DIAPH3: variants seen among roughly 807,000 people sequenced by gnomAD.
The protein encoded by DIAPH3 is protein diaphanous homolog 3.
In DIAPH3, 117 loss-of-function variants were observed where a neutral mutation model predicts 144.3. That is an observed-to-expected ratio of 0.81 (90% CI 0.70 to 0.95). DIAPH3 has a LOEUF of 0.95. Ranked by LOEUF, DIAPH3 falls within the 40% of genes least tolerant of loss-of-function variation. The probability of loss-of-function intolerance (pLI) is 0.00; values close to 1 mark genes in which losing one functional copy is unlikely to be tolerated. For missense variants in DIAPH3, 1,421 were observed against 1,412.7 expected, an observed-to-expected ratio of 1.01 and a Z score of -0.09; for synonymous variants, 519 against 488.9, an observed-to-expected ratio of 1.06 and a Z score of -0.81.
At chr13:59,762,050 A>ACCTTTTTT (rs1389648314) in intron 27 of DIAPH3, among the ~76,000 whole-genome samples, 2 of 118,988 alleles carry the variant, frequency 1.7e-5, no homozygotes, top group African/African-American at 3.0e-5. Context: ...AAGCGTCAGC[A>ACCTTTTTT]TCTTTTTTTT....
intron 27 of DIAPH3, among the ~76,000 whole-genome samples, chr13:59,704,650 A>T (rs188123197): frequency 8.4e-4 from 128 of 151,952 alleles, no homozygotes; most frequent in Non-Finnish European, 1.4e-3. Flanking sequence ...TTAGATACAC[A>T]AATACTTACC....
chr13:59,973,124 CTTGAT>C, intron 15 of DIAPH3, among the ~76,000 whole-genome samples: 1 of 152,188 alleles, frequency 6.6e-6, no homozygotes, highest in Non-Finnish European at 1.5e-5. Flanking sequence ...TAGGAGATTC[CTTGAT>C]TTAATTTCAC....
chr13:59,693,174 G>C (rs1214290828), intron 27 of DIAPH3, among the ~76,000 whole-genome samples: 1 of 152,188 alleles, frequency 6.6e-6, no homozygotes, highest in African/African-American at 2.4e-5. Context: ...GGCCTCCGGT[G>C]GAAGGCGCTT....
chr13:59,981,467 G>A (rs1377156409), intron 13 of DIAPH3, among the ~76,000 whole-genome samples: 1 of 148,620 alleles, frequency 6.7e-6, no homozygotes, highest in Non-Finnish European at 1.5e-5. Context: ...CTGAGACTTG[G>A]CCATTAGGCC....
At chr13:60,145,959 A>T (rs2138352228) in intron 1 of DIAPH3, among the ~76,000 whole-genome samples, 1 of 152,330 alleles carries the variant, frequency 6.6e-6, no homozygotes, top group East Asian at 1.9e-4. Flanking sequence ...CAGCTAAAGA[A>T]AATTTAATTT....
chr13:60,011,026 A>G (rs1048375076), intron 7 of DIAPH3, among the ~76,000 whole-genome samples: 4 of 151,944 alleles, frequency 2.6e-5, no homozygotes, highest in African/African-American at 9.7e-5. Flanking sequence ...AATCACTTGG[A>G]CCCGAGAGGT....
Position 59,787,493 on chromosome 13 carries a change from A to C in DIAPH3, c.3164-12670T>G, listed in dbSNP as rs1241261850. Among the ~76,000 whole-genome samples, 3 of 152,328 alleles carry C rather than the reference A, an allele frequency of 2.0e-5. No individual in the cohort carries two copies. In the East Asian group the frequency reaches 5.8e-4, roughly 29 times the overall value. ...GACTTTGTGAGGCCAAGGAGAGAGA[A>C]TCACTTGAGCCTAGGAATTTGAAAC... On this transcript the variant is annotated intron_variant, in intron 25 of 27. Transcript: ENST00000400324.
At position 59,723,596 on chromosome 13, in the gene DIAPH3, C is replaced by A. The variant is rs368221066; in HGVS notation, c.3319+50593G>T. 3.8e-4 allele frequency among the ~76,000 whole-genome samples: 58 copies of A among 151,660 alleles called. 1 individual carries two copies. The South Asian group carries it at 0.012, about 31-fold the overall frequency. ...AGATTCTTTGTTAAGTGACACTGAT[C>A]GAAAATGATGGTCTTTTTTTTTTTT... On this transcript the variant is annotated intron_variant, in intron 27 of 27. Coordinates refer to ENST00000400324, the MANE Select transcript of DIAPH3 (RefSeq NM_001042517.2).
chr13:59,987,330 T>A (rs1489756179), intron 12 of DIAPH3, among the ~76,000 whole-genome samples: 1 of 74,600 alleles, frequency 1.3e-5, no homozygotes, highest in Non-Finnish European at 2.7e-5. Flanking sequence ...TGTGGTGGGG[T>A]GGGGGGAGTG....
intron 25 of DIAPH3, among the ~76,000 whole-genome samples, chr13:59,800,400 G>A (rs2039844897): frequency 6.6e-6 from 1 of 152,160 alleles, no homozygotes; most frequent in African/African-American, 2.4e-5. Flanking sequence ...TAGGGAAGAG[G>A]AAGATGTGAA....
At chr13:59,751,580 T>C (rs1399893916) in intron 27 of DIAPH3, among the ~76,000 whole-genome samples, 2 of 152,244 alleles carry the variant, frequency 1.3e-5, no homozygotes, top group African/African-American at 4.8e-5. Context: ...CTGTAAAAAG[T>C]TAAGTTGCTT....
Position 60,093,690 on chromosome 13 carries a change from C to G in DIAPH3, c.433G>C (p.Glu145Gln). Residue 145 changes from glutamate to glutamine, a missense_variant, in exon 4 of 28, where the codon GAA becomes CAA. By Grantham distance (29) the Glu-to-Gln change is conservative. Transcript: ENST00000400324. Reference protein sequence around the residue: ...LNEDKKAPLREKDFSIKKEMV... With the variant: ...LNEDKKAPLRQKDFSIKKEMV... ...TCTTTTTTGATACTGAAGTCCTTTTCCCGCAATGGTGCCTTTTTATCTTCA... is the reference window on the plus strand; with the variant it reads ...TCTTTTTTGATACTGAAGTCCTTTTGCCGCAATGGTGCCTTTTTATCTTCA... The G allele has an allele frequency of 6.2e-7, 1 of 1,612,904 alleles. No individual in the cohort carries two copies. Among genetic ancestry groups the G allele is most frequent in the South Asian group, 1.1e-5 (1 of 91,032 alleles).
intron 27 of DIAPH3, among the ~76,000 whole-genome samples, chr13:59,707,821 A>G (rs2034512178): frequency 6.6e-6 from 1 of 152,040 alleles, no homozygotes; most frequent in South Asian, 2.1e-4. Flanking sequence ...TGAACTGTCC[A>G]TGCTCCAATA....
In DIAPH3 at chr13:60,008,578, A is replaced by G; in HGVS notation, c.980T>C (p.Val327Ala). ...EKKIDRFFCIVEGLRHNSVQL... is the reference protein window; with the variant it reads ...EKKIDRFFCIAEGLRHNSVQL... ...AACTGAATTGTGCCGGAGGCCTTCCACAATACAAAAAAATCTGTCAATTTT... is the reference window on the plus strand; with the variant it reads ...AACTGAATTGTGCCGGAGGCCTTCCGCAATACAAAAAAATCTGTCAATTTT... The change falls in exon 9 of 28, where the codon GTG becomes GCG. Residue 327 changes from valine to alanine, a missense_variant. By Grantham distance (64) the Val-to-Ala change is moderately conservative (BLOSUM62 0). Transcript: ENST00000400324. 1 of 1,613,772 alleles carries G rather than the reference A, an allele frequency of 6.2e-7. No homozygotes were observed. Among genetic ancestry groups the G allele is most frequent in the Non-Finnish European group, 8.5e-7 (1 of 1,179,872 alleles).
At chr13:59,929,383 A>G (rs2047904888) in intron 17 of DIAPH3, among the ~76,000 whole-genome samples, 1 of 152,070 alleles carries the variant, frequency 6.6e-6, no homozygotes, top group Non-Finnish European at 1.5e-5. Flanking sequence ...CTTTGATCAT[A>G]TAATTAGTGT....
intron 23 of DIAPH3, 179 bp downstream of exon 23, chr13:59,839,145 T>C (rs570446888): frequency 3.7e-4 from 221 of 595,466 alleles, no homozygotes; most frequent in Middle Eastern, 9.9e-4. Flanking sequence ...CAGACATTTG[T>C]GTATTATTCA....
chr13:59,743,477 G>T (rs977444982), intron 27 of DIAPH3, among the ~76,000 whole-genome samples: 1 of 152,172 alleles, frequency 6.6e-6, no homozygotes, highest in African/African-American at 2.4e-5. Flanking sequence ...GATGTACCTT[G>T]TTGGGGGTGG....
At chr13:59,720,117 C>T (rs1278240832) in intron 27 of DIAPH3, among the ~76,000 whole-genome samples, 2 of 152,072 alleles carry the variant, frequency 1.3e-5, no homozygotes, top group African/African-American at 4.8e-5. Context: ...TACACCTAGG[C>T]TATACCGTAA....
intron 24 of DIAPH3, among the ~76,000 whole-genome samples, chr13:59,824,491 T>TATA (rs1416730637): frequency 6.6e-6 from 1 of 152,138 alleles, no homozygotes; most frequent in African/African-American, 2.4e-5. Flanking sequence ...ACATCACTAT[T>TATA]AATAACAAAT....
Sources: gnomAD v4.1 joint callset for allele counts (sites outside exome capture counted in the v4.1 genomes callset) on GRCh38, gnomAD v4.1.1 for gene constraint, MANE v1.5 for transcripts, NCBI Gene and HGNC (gene_info 2026-07-23, HGNC 2026-07-21) for gene names.